ARSA: variants seen among roughly 807,000 people sequenced by gnomAD.
ARSA encodes cerebroside-sulfatase.
A neutral mutation model predicts 37.8 loss-of-function variants in ARSA; 32 were observed. That is an observed-to-expected ratio of 0.85 (90% CI 0.64 to 1.14). ARSA has a LOEUF of 1.14. ARSA is among the 50% of genes most tolerant of loss of function. The pLI is 0.00. For missense variants in ARSA, 685 were observed against 686.3 expected (o/e 1.00, Z 0.02); for synonymous variants, 303 against 303.4 (o/e 1.00, Z 0.01).
intron 4 of ARSA, 121 bp from the exon 5 acceptor site, chr22:50,626,399 C>CA: frequency 6.6e-7 from 1 of 1,518,750 alleles, no homozygotes; most frequent in Non-Finnish European, 8.9e-7. Flanking sequence ...ATGAGCCCGG[C>CA]ACCTCCCAGG....
At position 50,624,349 on chromosome 22, in the gene ARSA, G is replaced by A. The variant is rs905598672; in HGVS notation, c.*796C>T. Reference sequence around the variant, plus strand: ...GCTTCCTAAAGTGCTGGGATTACAGGCGTGAGCCACCGTGCCCAGCCAACA... The same window carrying A: ...GCTTCCTAAAGTGCTGGGATTACAGACGTGAGCCACCGTGCCCAGCCAACA... On this transcript the variant is annotated 3_prime_UTR_variant, in exon 8 of 8. Transcript: ENST00000216124. 2.0e-5 allele frequency among the ~76,000 whole-genome samples: 3 copies of A among 152,214 alleles called. No homozygotes were observed. The highest frequency in any genetic ancestry group is 7.2e-5 in the African/African-American group (3 of 41,454).
In ARSA at chr22:50,626,834, G is replaced by T; in HGVS notation, c.684C>A (p.His228Gln). The T allele has an allele frequency of 6.2e-7, 1 of 1,612,482 alleles. No homozygotes were observed. The highest frequency in any genetic ancestry group is 8.5e-7 in the Non-Finnish European group (1 of 1,178,908). The change falls in exon 3 of 8, where the codon CAC (histidine) becomes CAA (glutamine). Residue 228 changes from histidine (H) to glutamine (Q), a missense_variant and splice_region_variant. Physicochemically the swap from His to Gln is conservative, Grantham distance 24 (BLOSUM62 0). Transcript: ENST00000216124. ...AGGGGGTTGGGCCAAGATCACTTACGTGAGAGGCATAGTACAGGAAGAAGG... is the reference window on the plus strand; with the variant it reads ...AGGGGGTTGGGCCAAGATCACTTACTTGAGAGGCATAGTACAGGAAGAAGG... ...DRPFFLYYAS[H>Q]HTHYPQFSGQ...
At position 50,624,059 on chromosome 22, in the gene ARSA, G is replaced by A. The variant is rs769346960; in HGVS notation, c.*1086C>T. ...ACTGGGAATACAGGAGTGAATCGCC[G>A]TGTGCAGCCTAACAGATTTTTTGTT... On this transcript the variant is annotated 3_prime_UTR_variant, in exon 8 of 8. Transcript: ENST00000216124. Among the ~76,000 whole-genome samples the A allele has an allele frequency of 1.1e-4, 17 of 152,132 alleles. 1 individual carries two copies. The highest frequency in any genetic ancestry group is 2.6e-4 in the Admixed American group (4 of 15,278).
intron 6 of ARSA, 47 bp from the exon 7 acceptor site, chr22:50,625,728 T>A: frequency 3.2e-6 from 5 of 1,584,624 alleles, no homozygotes; most frequent in Non-Finnish European, 4.3e-6. Context: ...CCCCAAGCAC[T>A]GCACATACCT....
chr22:50,625,473 G>A lies in ARSA; in HGVS notation c.1211-9C>T, dbSNP rs1007814225. On this transcript the variant is annotated splice_polypyrimidine_tract_variant and intron_variant, in intron 7 of 7. Transcript: ENST00000216124. ...ATCACTGTGGGCAGAGCCTGGGGAG[G>A]GGGCCAATTCTGTGCACAGGGCAAG... The A allele has an allele frequency of 1.2e-6, 2 of 1,606,038 alleles. No homozygotes were observed. Among genetic ancestry groups the A allele is most frequent in the Non-Finnish European group, 1.7e-6 (2 of 1,175,174 alleles).
Position 50,626,961 on chromosome 22 carries a change from T to C in ARSA, c.557A>G (p.Asn186Ser). 1 of 1,612,766 alleles carries C rather than the reference T, an allele frequency of 6.2e-7. No homozygotes were observed. Among genetic ancestry groups the C allele is most frequent in the Non-Finnish European group, 8.5e-7 (1 of 1,179,892 alleles). ...QGLVPIPLLA[N>S]LSVEAQPPWL... is the part of the protein sequence containing the mutation. ...GGGGGGCTGCGCCTCCACGGACAGG[T>C]TGGCCAACAGTGGGATGGGGACCAG... The change falls in exon 3 of 8, where the codon AAC (asparagine) becomes AGC (serine). Residue 186 changes from asparagine (N) to serine (S), a missense_variant. By Grantham distance (46) the Asn-to-Ser change is conservative. Transcript: ENST00000216124.
rs776884597 is a variant in ARSA at position 50,625,253 on chromosome 22, G to A, written c.1422C>T (p.Phe474=). ...LKAQLDAAVT[F]GPSQVARGED... Reference sequence around the variant, plus strand: ...CGCCCCGGGCCACCTGGCTGGGGCCGAAGGTCACAGCTGCGTCTAACTGGG... The same window carrying A: ...CGCCCCGGGCCACCTGGCTGGGGCCAAAGGTCACAGCTGCGTCTAACTGGG... The change falls in exon 8 of 8, where the codon TTC becomes TTT. Residue 474 remains phenylalanine, a synonymous_variant. Coordinates refer to ENST00000216124, the MANE Select transcript of ARSA (RefSeq NM_000487.6). The A allele has an allele frequency of 1.3e-5, 21 of 1,611,906 alleles. No individual in the cohort carries two copies. The highest frequency in any genetic ancestry group is 1.6e-5 in the Non-Finnish European group (19 of 1,179,342).
At position 50,627,835 on chromosome 22, in the gene ARSA, T is replaced by C. The variant is rs1603445038; in HGVS notation, c.-56A>G. The stretch of plus-strand genomic sequence containing the variant: ...GGGCTACTTGGCTCCAGCAGGCTCT[T>C]TCCGATACCGCAGACCCAGGCGCCG... On this transcript the variant is annotated 5_prime_UTR_variant, in exon 1 of 8. Transcript: ENST00000216124. The C allele has an allele frequency of 8.1e-6, 12 of 1,485,180 alleles. No homozygotes were observed. The East Asian group carries it at 2.7e-4, about 34-fold the overall frequency. 92.0% of individuals were successfully genotyped at this position (1,485,180 alleles called of 1,614,324 possible).
chr22:50,625,626 AC>A lies in ARSA; in HGVS notation c.1162del (p.Val388PhefsTer35). ...GTACTTTCCAGTCCGCACAGCAAAA[AC>A]CCCACGGACCTCGTCTGGGTAGGAC... ...YPSYPDEVRGVFAVRTGKYKA... is the reference protein window; with the variant it reads ...YPSYPDEVRGXFAVRTGKYKA... On this transcript the variant is annotated frameshift_variant, in exon 7 of 8. Transcript: ENST00000216124. LOFTEE classifies it low-confidence loss of function (END_TRUNC). 6.2e-7 allele frequency: 1 copy of A among 1,613,048 alleles called. No individual in the cohort carries two copies. Among genetic ancestry groups the A allele is most frequent in the Non-Finnish European group, 8.5e-7 (1 of 1,179,868 alleles).
chr22:50,626,813 G>A (rs765057118), intron 3 of ARSA, 21 bp downstream of exon 3: 16 of 1,611,320 alleles, frequency 9.9e-6, no homozygotes, highest in Admixed American at 3.3e-5. Flanking sequence ...GCAGCCAGGG[G>A]GTTGGGCCAA....
Position 50,625,193 on chromosome 22 carries a change from G to A in ARSA, c.1482C>T (p.Gly494=). ...GGCAGCAAGCTGGGCGGGGGGTGCAGCCAGGATGACAGCAGATCTGCAGGG... is the reference window on the plus strand; with the variant it reads ...GGCAGCAAGCTGGGCGGGGGGTGCAACCAGGATGACAGCAGATCTGCAGGG... ...DPALQICCHP[G]CTPRPACCHC... is the part of the protein sequence containing the mutation. The change falls in exon 8 of 8, where the codon GGC becomes GGT. Residue 494 remains glycine, a synonymous_variant. Coordinates refer to ENST00000216124, the MANE Select transcript of ARSA (RefSeq NM_000487.6). 6.2e-7 allele frequency: 1 copy of A among 1,602,498 alleles called. No individual in the cohort carries two copies. Among genetic ancestry groups the A allele is most frequent in the Non-Finnish European group, 8.5e-7 (1 of 1,174,478 alleles).
chr22:50,625,462 A>G lies in ARSA; in HGVS notation c.1213T>C (p.Ser405Pro), dbSNP rs781697360. 6.2e-7 allele frequency: 1 copy of G among 1,602,792 alleles called. No individual in the cohort carries two copies. The highest frequency in any genetic ancestry group is 8.5e-7 in the Non-Finnish European group (1 of 1,174,222). Residue 405 changes from serine to proline, a missense_variant and splice_region_variant, in exon 8 of 8, where the codon TCT becomes CCT. Coordinates refer to ENST00000216124, the MANE Select transcript of ARSA (RefSeq NM_000487.6). ...KYKAHFFTQGSAHSDTTADPA... is the reference protein window; with the variant it reads ...KYKAHFFTQGPAHSDTTADPA... ...TCTGCAGTGGTATCACTGTGGGCAGAGCCTGGGGAGGGGGCCAATTCTGTG... is the reference window on the plus strand; with the variant it reads ...TCTGCAGTGGTATCACTGTGGGCAGGGCCTGGGGAGGGGGCCAATTCTGTG...
At chr22:50,626,325 G>A in intron 4 of ARSA, 47 bp from the exon 5 acceptor site, 1 of 1,600,618 alleles carries the variant, frequency 6.2e-7, no homozygotes, top group South Asian at 1.1e-5. Context: ...CAGCCTCTGA[G>A]CCACCGAGGG....
In ARSA at chr22:50,624,488, G is replaced by T. The variant is rs1236741991; in HGVS notation, c.*657C>A. 6.6e-6 allele frequency among the ~76,000 whole-genome samples: 1 copy of T among 152,158 alleles called. No homozygotes were observed. The highest frequency in any genetic ancestry group is 2.4e-5 in the African/African-American group (1 of 41,430). On this transcript the variant is annotated 3_prime_UTR_variant, in exon 8 of 8. Coordinates refer to ENST00000216124, the MANE Select transcript of ARSA (RefSeq NM_000487.6). The stretch of plus-strand genomic sequence containing the variant: ...CAGGTGAAATGCAGAGGCCTGGGAG[G>T]GTGGAGGGGCCCCAGAGGAGCCGTC...
At position 50,625,206 on chromosome 22, in the gene ARSA, C is replaced by T; in HGVS notation, c.1469G>A (p.Cys490Tyr). 1 of 1,605,568 alleles carries T rather than the reference C, an allele frequency of 6.2e-7. No individual in the cohort carries two copies. The highest frequency in any genetic ancestry group is 8.5e-7 in the Non-Finnish European group (1 of 1,175,824). ...GCGGGGGGTGCAGCCAGGATGACAG[C>T]AGATCTGCAGGGCGGGGTCCTCGCC... Reference protein sequence around the residue: ...ARGEDPALQICCHPGCTPRPA... With the variant: ...ARGEDPALQIYCHPGCTPRPA... The change falls in exon 8 of 8, where the codon TGC (cysteine) becomes TAC (tyrosine). Residue 490 changes from cysteine (C) to tyrosine (Y), a missense_variant. Transcript: ENST00000216124.
Position 50,627,870 on chromosome 22 carries a change from G to T in ARSA, c.-91C>A. 1 of 1,305,126 alleles carries T rather than the reference G, an allele frequency of 7.7e-7. No homozygotes were observed. The highest frequency in any genetic ancestry group is 1.0e-6 in the Non-Finnish European group (1 of 955,620). 80.8% of individuals were successfully genotyped at this position (1,305,126 alleles called of 1,614,324 possible). On this transcript the variant is annotated 5_prime_UTR_variant, in exon 1 of 8. Transcript: ENST00000216124. ...GCAGACCCAGGCGCCGCCCTTCCCT[G>T]AGACCCCGGACCCAAATACTCCCCG...
chr22:50,626,326 C>G, intron 4 of ARSA, 48 bp from the exon 5 acceptor site: 1 of 1,600,544 alleles, frequency 6.2e-7, no homozygotes, highest in South Asian at 1.1e-5. Flanking sequence ...AGCCTCTGAG[C>G]CACCGAGGGT....
At chr22:50,627,427 T>C (rs1482721377) in intron 1 of ARSA, 21 bp from the exon 2 acceptor site, 1 of 1,607,666 alleles carries the variant, frequency 6.2e-7, no homozygotes. Flanking sequence ...AGTCACAGAG[T>C]CCCTGAGACA....
Position 50,625,994 on chromosome 22 carries a change from A to G in ARSA, c.1049T>C (p.Leu350Pro), listed in dbSNP as rs1299070925. Reference protein sequence around the residue: ...PTLAALAGAPLPNVTLDGFDL... With the variant: ...PTLAALAGAPPPNVTLDGFDL... ...AAAGCCATCCAAGGTGACATTGGGC[A>G]GTGGGGCCCCAGCCAGGGCTGCCAG... The change falls in exon 6 of 8, where the codon CTG (leucine) becomes CCG (proline). Residue 350 changes from leucine to proline, a missense_variant. Leu to Pro is a moderately conservative substitution (Grantham distance 98, BLOSUM62 -3). Transcript: ENST00000216124. 1 of 1,577,820 alleles carries G rather than the reference A, an allele frequency of 6.3e-7. No homozygotes were observed. The highest frequency in any genetic ancestry group is 8.6e-7 in the Non-Finnish European group (1 of 1,162,896).
Sources: allele counts gnomAD v4.1 joint callset (sites outside exome capture counted in the v4.1 genomes callset), GRCh38; gene constraint gnomAD v4.1.1; transcripts MANE v1.5; gene names NCBI Gene and HGNC (gene_info 2026-07-23, HGNC 2026-07-21).